Variants in MAP3K4 observed in about 807,000 individuals in gnomAD.
MAP3K4 encodes mitogen-activated protein kinase kinase kinase 4.
MAP3K4 carries 67 observed loss-of-function variants against 185.6 expected under a neutral mutation model. That is an observed-to-expected ratio of 0.36 (90% CI 0.30 to 0.44). MAP3K4 has a LOEUF of 0.44. Among genes scored for constraint, MAP3K4 ranks in the 20% least tolerant of loss-of-function variants. The pLI, the probability that MAP3K4 is intolerant of heterozygous loss-of-function variation, is 1.00. For synonymous variants in MAP3K4, 702 were observed against 710.4 expected (o/e 0.99, Z 0.19); for missense variants, 1,551 against 1,995.1 (o/e 0.78, Z 4.24).
In MAP3K4 at chr6:161,088,909, G is replaced by A. The variant is rs894338650; in HGVS notation, c.2824-413G>A. Reference sequence around the variant, plus strand: ...ATCTCTTAAGAACAAAAGTAATAAAGTCTTGATTTCTTAATGTTTTATATA... The same window carrying A: ...ATCTCTTAAGAACAAAAGTAATAAAATCTTGATTTCTTAATGTTTTATATA... On this transcript the variant is annotated intron_variant, in intron 10 of 26. Transcript: ENST00000392142. The surrounding 1 kb of genome is among the most constrained non-coding windows in gnomAD (Gnocchi z 4.5). 3.3e-5 allele frequency among the ~76,000 whole-genome samples: 5 copies of A among 152,106 alleles called. No individual in the cohort carries two copies. The highest frequency in any genetic ancestry group is 1.2e-4 in the African/African-American group (5 of 41,394).
intron 3 of MAP3K4, among the ~76,000 whole-genome samples, chr6:161,069,022 A>T (rs1322310792): frequency 1.3e-5 from 2 of 152,232 alleles, no homozygotes; most frequent in Non-Finnish European, 2.9e-5. Flanking sequence ...AGAGACCAAC[A>T]TGTTAACAGT....
At chr6:161,041,912 CTTTTTTTTTTTTTCTT>C (rs1290805895) in intron 2 of MAP3K4, among the ~76,000 whole-genome samples, 1 of 64,046 alleles carries the variant, frequency 1.6e-5, no homozygotes, top group Non-Finnish European at 2.8e-5. Flanking sequence ...GTTATTGTTT[CTTTTTTTTTTTTTCTT>C]TTTTTTTTTT....
intron 3 of MAP3K4, among the ~76,000 whole-genome samples, chr6:161,065,870 G>A (rs141282069): frequency 0.024 from 3,427 of 145,774 alleles, 154 homozygotes; most frequent in African/African-American, 0.082. Flanking sequence ...CCCGGGAGGC[G>A]GAGCTTGCAG....
chr6:161,044,293 T>C (rs1167652568), intron 2 of MAP3K4, among the ~76,000 whole-genome samples: 2 of 152,238 alleles, frequency 1.3e-5, no homozygotes, highest in African/African-American at 4.8e-5. Flanking sequence ...TCTATATAGC[T>C]AACTCCTGTA....
chr6:160,997,630 A>G (rs1331396182), intron 1 of MAP3K4, among the ~76,000 whole-genome samples: 5 of 152,214 alleles, frequency 3.3e-5, no homozygotes, highest in Admixed American at 1.3e-4. Flanking sequence ...TTTGCAGAAG[A>G]TGGGAGCCAA....
rs10945712 is a variant in MAP3K4, at chr6:161,098,543, G to A, written c.3674+116G>A. On this transcript the variant is annotated intron_variant, in intron 17 of 26. Coordinates refer to ENST00000392142, the MANE Select transcript of MAP3K4 (RefSeq NM_005922.4). The surrounding 1 kb of genome is among the most constrained non-coding windows in gnomAD (Gnocchi z 4.4). Reference sequence around the variant, plus strand: ...GTTGGGCTTCTTTGCTGTGGCGTGTGAGTGATGCTCTAGGGCCTTCCGCAG... The same window carrying A: ...GTTGGGCTTCTTTGCTGTGGCGTGTAAGTGATGCTCTAGGGCCTTCCGCAG... 4.7e-3 allele frequency: 6,088 copies of A among 1,291,626 alleles called. 245 individuals carry two copies. The African/African-American group carries it at 0.08, about 17-fold the overall frequency. 80.0% of individuals were successfully genotyped at this position (1,291,626 alleles called of 1,614,324 possible).
intron 18 of MAP3K4, 51 bp downstream of exon 18, chr6:161,102,043 C>T: frequency 7.0e-7 from 1 of 1,434,648 alleles, no homozygotes; most frequent in South Asian, 1.2e-5. Flanking sequence ...AATCATTTGT[C>T]TCAGTTCACC....
rs1783836976 is a variant in MAP3K4 at position 161,048,386 on chromosome 6, T to C, written c.344-230T>C. 1.6e-6 allele frequency: 1 copy of C among 640,388 alleles called. No individual in the cohort carries two copies. 39.7% of individuals were successfully genotyped at this position (640,388 alleles called of 1,614,324 possible). A position where few individuals can be genotyped will look rare whatever the true frequency, so the allele number is the denominator to read the frequency against. The stretch of plus-strand genomic sequence containing the variant: ...GCTAGTTTAGGTAATTAGTTGTGAA[T>C]ATAAGAGAATACAGCAAATACTGGA... On this transcript the variant is annotated intron_variant, in intron 2 of 26. Coordinates refer to ENST00000392142, the MANE Select transcript of MAP3K4 (RefSeq NM_005922.4). The surrounding 1 kb of genome is among the most constrained non-coding windows in gnomAD (Gnocchi z 4.7).
intron 2 of MAP3K4, among the ~76,000 whole-genome samples, chr6:161,044,488 T>A (rs1206245546): frequency 6.6e-6 from 1 of 152,130 alleles, no homozygotes; most frequent in Admixed American, 6.5e-5. Flanking sequence ...AATGTAAAAA[T>A]GCTCAGGGAA....
At chr6:161,105,145 CA>C (rs1228209524) in intron 19 of MAP3K4, among the ~76,000 whole-genome samples, 1 of 152,060 alleles carries the variant, frequency 6.6e-6, no homozygotes, top group East Asian at 1.9e-4. Context: ...TAAAAAAGAA[CA>C]GGATGAAATC....
rs1583237229 is a variant in MAP3K4 at position 161,103,145 on chromosome 6, T to C, written c.3856+366T>C. Among the ~76,000 whole-genome samples the C allele has an allele frequency of 6.6e-6, 1 of 152,330 alleles. No homozygotes were observed. The highest frequency in any genetic ancestry group is 6.5e-5 in the Admixed American group (1 of 15,296). ...CTTACGAAGCATGTGATTAATATTA[T>C]CAAAAGAACAAATAGCAGAAAAATC... On this transcript the variant is annotated intron_variant, in intron 19 of 26. Transcript: ENST00000392142. The surrounding 1 kb of genome is among the most constrained non-coding windows in gnomAD (Gnocchi z 4.6).
Position 161,108,806 on chromosome 6 carries a change from G to A in MAP3K4, c.4183G>A (p.Glu1395Lys), listed in dbSNP as rs748572761. ...KETADELKIF[E>K]GIKHPNLVRY... The stretch of plus-strand genomic sequence containing the variant: ...AACTGCAGACGAATTGAAAATATTC[G>A]AAGGCATCAAACACCCCAATCTGGT... Residue 1395 changes from glutamate (E) to lysine (K), a missense_variant, in exon 22 of 27, where the codon GAA (glutamate) becomes AAA (lysine). Glu to Lys is a moderately conservative substitution (Grantham distance 56, BLOSUM62 1). This residue lies in a region of MAP3K4 where 159 missense variants were observed against 300.5 expected (regional missense o/e 0.53). Coordinates refer to ENST00000392142, the MANE Select transcript of MAP3K4 (RefSeq NM_005922.4). The surrounding 1 kb of genome is among the most constrained non-coding windows in gnomAD (Gnocchi z 5.7). 11 of 1,613,954 alleles carry A rather than the reference G, an allele frequency of 6.8e-6. No homozygotes were observed. Among genetic ancestry groups the A allele is most frequent in the East Asian group, 6.7e-5 (3 of 44,888 alleles).
chr6:161,048,569 C>A lies in MAP3K4; in HGVS notation c.344-47C>A. 1 of 1,229,046 alleles carries A rather than the reference C, an allele frequency of 8.1e-7. No individual in the cohort carries two copies. The highest frequency in any genetic ancestry group is 1.1e-6 in the Non-Finnish European group (1 of 892,592). The allele number at this position is 1,229,046 out of a possible 1,614,324, so 76.1% of individuals were successfully genotyped here. On this transcript the variant is annotated intron_variant, in intron 2 of 26. Coordinates refer to ENST00000392142, the MANE Select transcript of MAP3K4 (RefSeq NM_005922.4). This position sits in a 1 kb window ranked among gnomAD's most constrained non-coding sequence, Gnocchi z 4.7. ...TTATTGAAAATATTGAGAGTAGCTT[C>A]ATATTTTAGAGTTATATAATGTTCT...
At chr6:161,033,003 TTTATAATTC>T (rs1783001968) in intron 1 of MAP3K4, among the ~76,000 whole-genome samples, 1 of 152,194 alleles carries the variant, frequency 6.6e-6, no homozygotes, top group African/African-American at 2.4e-5. Context: ...ACTGTAAATT[TTTATAATTC>T]TGCAATATTT....
intron 1 of MAP3K4, among the ~76,000 whole-genome samples, chr6:161,032,830 T>G (rs1764203320): frequency 6.6e-6 from 1 of 152,208 alleles, no homozygotes; most frequent in Non-Finnish European, 1.5e-5. Context: ...AATTTGCACA[T>G]GGTTTGAAGT....
At position 161,098,320 on chromosome 6, in the gene MAP3K4, TGC is replaced by T. The variant is rs751337603; in HGVS notation, c.3568_3569del (p.Ala1190CysfsTer21). The T allele has an allele frequency of 1.6e-3, 8 of 5,038 alleles. No homozygotes were observed. Among genetic ancestry groups the T allele is most frequent in the Non-Finnish European group, 1.6e-3 (7 of 4,400 alleles). The allele number at this position is 5,038 out of a possible 1,614,324, so 0.3% of individuals were successfully genotyped here. The part of the protein sequence containing the change: ...PSDARSHGSP[A>X]AAAAAAAAAV... Reference sequence around the variant, plus strand: ...CCGACGCGCGGAGCCATGGCAGCCCTGCTGCTGCTGCTGCTGCTGCTGCTGCT... The same window carrying T: ...CCGACGCGCGGAGCCATGGCAGCCCTTGCTGCTGCTGCTGCTGCTGCTGCT... On this transcript the variant is annotated frameshift_variant, in exon 17 of 27. Coordinates refer to ENST00000392142, the MANE Select transcript of MAP3K4 (RefSeq NM_005922.4). LOFTEE classifies it high-confidence loss of function. This position sits in a 1 kb window ranked among gnomAD's most constrained non-coding sequence, Gnocchi z 4.4.
intron 1 of MAP3K4, among the ~76,000 whole-genome samples, chr6:161,024,379 G>A (rs1183556918): frequency 4.6e-5 from 7 of 151,914 alleles, no homozygotes; most frequent in Admixed American, 4.6e-4. Context: ...TCATATATTT[G>A]TCACGACTAA....
chr6:161,079,627 A>G (rs1241157158), intron 5 of MAP3K4, among the ~76,000 whole-genome samples: 4 of 152,334 alleles, frequency 2.6e-5, no homozygotes, highest in East Asian at 1.9e-4. Context: ...TGGGGGCCGC[A>G]AGGAAGAAGC....
chr6:161,094,807 A>G (rs992989791), intron 15 of MAP3K4, among the ~76,000 whole-genome samples: 2 of 152,178 alleles, frequency 1.3e-5, no homozygotes, highest in Admixed American at 1.3e-4. Context: ...AAAGCATGCT[A>G]TTGTCTTATC....
Sources: allele counts gnomAD v4.1 joint callset (sites outside exome capture counted in the v4.1 genomes callset), GRCh38; gene constraint gnomAD v4.1.1; regional missense constraint gnomAD v4.1.1; non-coding constraint Gnocchi (gnomAD v3.1); transcripts MANE v1.5; gene names NCBI Gene and HGNC (gene_info 2026-07-23, HGNC 2026-07-21).